TENM3: variants seen among roughly 807,000 people sequenced by gnomAD.
The protein encoded by TENM3 is teneurin-3.
TENM3 carries 63 observed loss-of-function variants against 255.1 expected under a neutral mutation model. The observed-to-expected ratio is 0.25, with a 90% CI of 0.20 to 0.30. The LOEUF is 0.30. TENM3 is among the 10% of genes least tolerant of loss of function. The pLI is 1.00. For synonymous variants in TENM3, 1,306 were observed against 1,322.3 expected, an observed-to-expected ratio of 0.99 and a Z score of 0.27; for missense variants, 2,929 against 3,461.1, an observed-to-expected ratio of 0.85 and a Z score of 3.86.
At chr4:181,830,488 G>T in the TENM3 span, among the ~76,000 whole-genome samples, 2 of 151,988 alleles carry the variant, frequency 1.3e-5, no homozygotes, top group South Asian at 2.1e-4. Context: ...GGTCAGGCTG[G>T]TCTCAAATTC....
At chr4:182,369,908 T>G (rs1447540738) in intron 3 of TENM3, among the ~76,000 whole-genome samples, 1 of 151,924 alleles carries the variant, frequency 6.6e-6, no homozygotes, top group Non-Finnish European at 1.5e-5. Context: ...AAAGAAAAGT[T>G]TCATAGGCAC....
chr4:181,487,970 T>C, the TENM3 span, among the ~76,000 whole-genome samples: 12 of 152,192 alleles, frequency 7.9e-5, no homozygotes, highest in African/African-American at 2.4e-5. Flanking sequence ...CTGAAAGTCA[T>C]GAAAAATGTC....
intron 17 of TENM3, 91 bp from the exon 18 acceptor site, chr4:182,738,310 A>T: frequency 1.7e-6 from 2 of 1,153,776 alleles, no homozygotes; most frequent in Non-Finnish European, 2.4e-6. Context: ...CAGAACACAG[A>T]TGTGAAAAAG....
At chr4:182,283,339 C>T (rs886340319) in intron 1 of TENM3, among the ~76,000 whole-genome samples, 2 of 152,076 alleles carry the variant, frequency 1.3e-5, no homozygotes, top group Admixed American at 6.5e-5. Flanking sequence ...ATCATATGTC[C>T]CTTGCTTTTT....
chr4:182,575,824 G>A (rs1744860553), intron 3 of TENM3, among the ~76,000 whole-genome samples: 1 of 152,148 alleles, frequency 6.6e-6, no homozygotes, highest in African/African-American at 2.4e-5. Flanking sequence ...AAATAACACT[G>A]AATTTCTGTC....
the TENM3 span, among the ~76,000 whole-genome samples, chr4:181,856,932 TTGC>T: frequency 6.6e-6 from 1 of 152,204 alleles, no homozygotes. Flanking sequence ...TGTCACTTAC[TTGC>T]TGTGTACTTT....
At chr4:181,923,158 T>C in the TENM3 span, among the ~76,000 whole-genome samples, 2 of 152,156 alleles carry the variant, frequency 1.3e-5, no homozygotes, top group African/African-American at 4.8e-5. Flanking sequence ...TTTCCAAGTA[T>C]GTGGTCGATT....
chr4:181,883,943 AG>A, the TENM3 span, among the ~76,000 whole-genome samples: 1 of 152,312 alleles, frequency 6.6e-6, no homozygotes, highest in South Asian at 2.1e-4. Flanking sequence ...AAGCGTGTTC[AG>A]TTGCAAGGTT....
At chr4:181,620,694 G>T in the TENM3 span, among the ~76,000 whole-genome samples, 3 of 150,030 alleles carry the variant, frequency 2.0e-5, no homozygotes, top group Non-Finnish European at 3.0e-5. Flanking sequence ...GAGGAGGAAA[G>T]AAATAGTTAA....
chr4:182,332,775 A>G (rs1763863049), intron 2 of TENM3, among the ~76,000 whole-genome samples: 1 of 152,286 alleles, frequency 6.6e-6, no homozygotes, highest in East Asian at 1.9e-4. Flanking sequence ...GGAAGTAGGA[A>G]GAGGTACATA....
chr4:182,570,103 G>A (rs11727809), intron 3 of TENM3, among the ~76,000 whole-genome samples: 150,868 of 152,328 alleles, frequency 0.99, 74,729 homozygotes, highest in Middle Eastern at 1. Flanking sequence ...AGCTATTGCC[G>A]TAATCGAGGC....
At chr4:182,345,713 A>T (rs926905630) in intron 2 of TENM3, among the ~76,000 whole-genome samples, 2 of 152,210 alleles carry the variant, frequency 1.3e-5, no homozygotes, top group South Asian at 4.1e-4. Flanking sequence ...GTCATTAATA[A>T]CAGCAGTCAT....
the TENM3 span, among the ~76,000 whole-genome samples, chr4:181,628,506 T>C: frequency 6.6e-6 from 1 of 152,224 alleles, no homozygotes; most frequent in Admixed American, 6.5e-5. Context: ...GAATTAATTT[T>C]TGTATAAGGT....
At chr4:182,523,382 G>A (rs1429910671) in intron 3 of TENM3, among the ~76,000 whole-genome samples, 1 of 152,034 alleles carries the variant, frequency 6.6e-6, no homozygotes, top group African/African-American at 2.4e-5. Context: ...AATTAATTAT[G>A]TCTGCTTTGT....
chr4:182,362,674 C>T (rs1330653305), intron 3 of TENM3, among the ~76,000 whole-genome samples: 3 of 152,188 alleles, frequency 2.0e-5, no homozygotes, highest in Non-Finnish European at 2.9e-5. Flanking sequence ...CCTTGCACTT[C>T]CCGAGTGAGG....
At chr4:181,851,586 A>ACACG in the TENM3 span, among the ~76,000 whole-genome samples, 1 of 152,036 alleles carries the variant, frequency 6.6e-6, no homozygotes, top group Non-Finnish European at 1.5e-5. Flanking sequence ...GCACATATAC[A>ACACG]CACGCACGCA....
At chr4:182,672,632 T>A (rs1755313972) in intron 6 of TENM3, among the ~76,000 whole-genome samples, 1 of 152,252 alleles carries the variant, frequency 6.6e-6, no homozygotes, top group African/African-American at 2.4e-5. Flanking sequence ...TGTTATAGTA[T>A]GTTTAGAATG....
the TENM3 span, among the ~76,000 whole-genome samples, chr4:182,065,129 A>G: frequency 6.6e-6 from 1 of 150,840 alleles, no homozygotes; most frequent in Non-Finnish European, 1.5e-5. Flanking sequence ...CCACCTCCAG[A>G]GTTCAAGCGA....
At chr4:182,278,723 T>A (rs958124525) in intron 1 of TENM3, among the ~76,000 whole-genome samples, 1 of 151,716 alleles carries the variant, frequency 6.6e-6, no homozygotes, top group Non-Finnish European at 1.5e-5. Flanking sequence ...CATTTCGTGA[T>A]TTGATTAATG....
Sources: gnomAD v4.1 joint callset for allele counts (sites outside exome capture counted in the v4.1 genomes callset) on GRCh38, gnomAD v4.1.1 for gene constraint, MANE v1.5 for transcripts, NCBI Gene and HGNC (gene_info 2026-07-23, HGNC 2026-07-21) for gene names.